PDS5A: variants seen among roughly 807,000 people sequenced by gnomAD.
PDS5A encodes sister chromatid cohesion protein PDS5 homolog A.
In PDS5A, 42 loss-of-function variants were observed where a neutral mutation model predicts 167.1. The observed-to-expected ratio is 0.25, with a 90% confidence interval of 0.20 to 0.33. The LOEUF (loss-of-function observed/expected upper bound fraction) is 0.33, where lower values mean the gene tolerates loss of function less well. Among genes scored for constraint, PDS5A ranks in the 10% least tolerant of loss-of-function variants. The probability of loss-of-function intolerance (pLI) is 1.00; values close to 1 mark genes in which losing one functional copy is unlikely to be tolerated. For synonymous variants in PDS5A, 553 were observed against 554.6 expected, an observed-to-expected ratio of 1.00 and a Z score of 0.04; for missense variants, 1,033 against 1,605.9, an observed-to-expected ratio of 0.64 and a Z score of 6.10.
At chr4:39,903,314 CCTT>C (rs1723035662) in intron 12 of PDS5A, among the ~76,000 whole-genome samples, 1 of 152,176 alleles carries the variant, frequency 6.6e-6, no homozygotes, top group African/African-American at 2.4e-5. Flanking sequence ...ATTGGAATAT[CCTT>C]CTTGCTAGTA....
chr4:39,876,618 G>A (rs1720481880), intron 19 of PDS5A, among the ~76,000 whole-genome samples: 1 of 151,992 alleles, frequency 6.6e-6, no homozygotes, highest in Non-Finnish European at 1.5e-5. Flanking sequence ...TTTTTGGTAG[G>A]ATAGCAAAGT....
chr4:39,926,228 T>A (rs1207551361), intron 4 of PDS5A, among the ~76,000 whole-genome samples: 6 of 151,540 alleles, frequency 4.0e-5, no homozygotes, highest in Admixed American at 3.3e-4. Context: ...AAAATAAAAA[T>A]AAAAAGATAG....
At chr4:39,969,006 C>T (rs1170678803) in intron 2 of PDS5A, among the ~76,000 whole-genome samples, 1 of 152,156 alleles carries the variant, frequency 6.6e-6, no homozygotes, top group Non-Finnish European at 1.5e-5. Context: ...AACTCCTGAC[C>T]TCAGGTGATC....
At chr4:39,869,897 A>G (rs1319566188) in intron 21 of PDS5A, among the ~76,000 whole-genome samples, 1 of 152,204 alleles carries the variant, frequency 6.6e-6, no homozygotes, top group Admixed American at 6.5e-5. Flanking sequence ...ACTTGAGGTC[A>G]GGAGTTTGAG....
intron 2 of PDS5A, among the ~76,000 whole-genome samples, chr4:39,958,273 G>A (rs1398734562): frequency 3.9e-5 from 6 of 152,026 alleles, no homozygotes; most frequent in East Asian, 3.9e-4. Flanking sequence ...TTGGGAGGTC[G>A]AAGCAGGAGG....
At chr4:39,862,459 C>T in intron 25 of PDS5A, 126 bp from the exon 26 acceptor site, 1 of 514,060 alleles carries the variant, frequency 1.9e-6, no homozygotes, top group Non-Finnish European at 3.5e-6. Context: ...TACCTGGATA[C>T]TAAAATACTT....
At chr4:39,881,919 T>C (rs981941779) in intron 17 of PDS5A, among the ~76,000 whole-genome samples, 1 of 152,206 alleles carries the variant, frequency 6.6e-6, no homozygotes, top group African/African-American at 2.4e-5. Flanking sequence ...CTTGTGGTAC[T>C]GAATAAATCT....
chr4:39,916,421 A>G (rs1032440085), intron 8 of PDS5A, among the ~76,000 whole-genome samples: 2 of 152,226 alleles, frequency 1.3e-5, no homozygotes, highest in Non-Finnish European at 2.9e-5. Context: ...TGAGGATTAC[A>G]TTTAAAATAT....
chr4:39,942,281 A>C (rs570847140), intron 2 of PDS5A, among the ~76,000 whole-genome samples: 1 of 152,136 alleles, frequency 6.6e-6, no homozygotes, highest in Admixed American at 6.6e-5. Flanking sequence ...TCTTCCAAAA[A>C]TATCTTGAGC....
intron 17 of PDS5A, among the ~76,000 whole-genome samples, chr4:39,881,961 T>C (rs1013683337): frequency 6.6e-6 from 1 of 152,052 alleles, no homozygotes; most frequent in Non-Finnish European, 1.5e-5. Context: ...AAAGGGGAGT[T>C]CCCCTGCACA....
At chr4:39,852,275 A>G (rs1281539246) in intron 26 of PDS5A, among the ~76,000 whole-genome samples, 1 of 152,194 alleles carries the variant, frequency 6.6e-6, no homozygotes, top group Admixed American at 6.6e-5. Flanking sequence ...AGATATTAAA[A>G]CAGCATTTTT....
At chr4:39,879,455 CTAAGT>C (rs879930860) in intron 18 of PDS5A, among the ~76,000 whole-genome samples, 3 of 151,942 alleles carry the variant, frequency 2.0e-5, no homozygotes, top group African/African-American at 7.3e-5. Flanking sequence ...CTTGCTATTA[CTAAGT>C]TAAGAATAGA....
chr4:39,924,322 G>A (rs1725268964), intron 5 of PDS5A, among the ~76,000 whole-genome samples: 1 of 152,188 alleles, frequency 6.6e-6, no homozygotes, highest in Non-Finnish European at 1.5e-5. Flanking sequence ...AAACTATCAA[G>A]TTTTAGGTTA....
intron 2 of PDS5A, among the ~76,000 whole-genome samples, chr4:39,936,114 A>G (rs147895727): frequency 1.9e-3 from 291 of 152,334 alleles, no homozygotes; most frequent in African/African-American, 6.8e-3. Context: ...TGAGGGTGAT[A>G]AGTTCACTTT....
intron 32 of PDS5A, among the ~76,000 whole-genome samples, chr4:39,834,854 C>T (rs1278648878): frequency 1.3e-5 from 2 of 152,184 alleles, no homozygotes; most frequent in Non-Finnish European, 2.9e-5. Flanking sequence ...GAAACTCCAT[C>T]CCCATTAAAC....
chr4:39,845,344 T>C (rs775879869), intron 29 of PDS5A, among the ~76,000 whole-genome samples: 3 of 152,162 alleles, frequency 2.0e-5, no homozygotes, highest in Non-Finnish European at 2.9e-5. Context: ...AAAGTTCCCC[T>C]AAAATATAGC....
At chr4:39,845,702 T>C in intron 29 of PDS5A, 116 bp downstream of exon 29, 2 of 1,115,520 alleles carry the variant, frequency 1.8e-6, no homozygotes, top group South Asian at 6.4e-5. Flanking sequence ...ATCCATAATG[T>C]GATCCCTAAG....
chr4:39,888,491 A>G (rs1358566194), intron 17 of PDS5A, among the ~76,000 whole-genome samples: 1 of 152,118 alleles, frequency 6.6e-6, no homozygotes, highest in East Asian at 1.9e-4. Flanking sequence ...AGATATCTGC[A>G]GTCCTATGTT....
intron 31 of PDS5A, among the ~76,000 whole-genome samples, chr4:39,841,408 A>G (rs1716998943): frequency 6.6e-6 from 1 of 152,178 alleles, no homozygotes; most frequent in African/African-American, 2.4e-5. Context: ...AAGTGCTGGG[A>G]TTACAGGCAT....
Sources: gnomAD v4.1 joint callset for allele counts (sites outside exome capture counted in the v4.1 genomes callset) on GRCh38, gnomAD v4.1.1 for gene constraint, MANE v1.5 for transcripts, NCBI Gene and HGNC (gene_info 2026-07-23, HGNC 2026-07-21) for gene names.